PLCL1: variants seen among roughly 807,000 people sequenced by gnomAD.
PLCL1 encodes inactive phospholipase C-like protein 1.
PLCL1 carries 41 observed loss-of-function variants against 84.4 expected under a neutral mutation model. The observed-to-expected ratio is 0.49, with a 90% CI of 0.38 to 0.63. PLCL1 has a LOEUF of 0.63. Ranked by LOEUF, PLCL1 falls within the 30% of genes least tolerant of loss-of-function variation. The probability of loss-of-function intolerance (pLI) is 0.00; values close to 1 mark genes in which losing one functional copy is unlikely to be tolerated. For synonymous variants in PLCL1, 490 were observed against 488.3 expected (o/e 1.00, Z -0.05); for missense variants, 1,206 against 1,367.8 (o/e 0.88, Z 1.87).
intron 1 of PLCL1, among the ~76,000 whole-genome samples, chr2:197,996,687 C>CT (rs1348489152): frequency 6.6e-6 from 1 of 151,616 alleles, no homozygotes; most frequent in Non-Finnish European, 1.5e-5. Flanking sequence ...GGTGAGCGTG[C>CT]TTTTTTCAGG....
chr2:197,839,883 A>C (rs912197873), intron 1 of PLCL1, among the ~76,000 whole-genome samples: 1 of 152,108 alleles, frequency 6.6e-6, no homozygotes, highest in African/African-American at 2.4e-5. Flanking sequence ...CTTCCTTTTC[A>C]TTTCTTTTGT....
chr2:197,876,795 T>C (rs1195886826), intron 1 of PLCL1, among the ~76,000 whole-genome samples: 1 of 152,166 alleles, frequency 6.6e-6, no homozygotes, highest in Non-Finnish European at 1.5e-5. Flanking sequence ...AAGTCTTGCA[T>C]ATCAAAATCC....
At chr2:198,064,122 A>G (rs1331705643) in intron 1 of PLCL1, among the ~76,000 whole-genome samples, 1 of 152,222 alleles carries the variant, frequency 6.6e-6, no homozygotes, top group Non-Finnish European at 1.5e-5. Flanking sequence ...ATCCACTCTC[A>G]GGGAGCTCTG....
intron 1 of PLCL1, among the ~76,000 whole-genome samples, chr2:197,874,135 G>A (rs1049108364): frequency 1.3e-5 from 2 of 152,018 alleles, no homozygotes; most frequent in Non-Finnish European, 2.9e-5. Flanking sequence ...AAATAATGAC[G>A]GATTCAAATC....
intron 3 of PLCL1, among the ~76,000 whole-genome samples, chr2:198,091,142 G>T (rs1693020080): frequency 1.3e-5 from 2 of 152,068 alleles, no homozygotes; most frequent in Non-Finnish European, 2.9e-5. Context: ...TATACCACAT[G>T]GTAAACTTGG....
At chr2:197,941,172 T>A (rs1689151679) in intron 1 of PLCL1, among the ~76,000 whole-genome samples, 1 of 152,200 alleles carries the variant, frequency 6.6e-6, no homozygotes, top group Non-Finnish European at 1.5e-5. Context: ...AGAAGTACAC[T>A]AGCAAAGTAC....
intron 5 of PLCL1, among the ~76,000 whole-genome samples, chr2:198,117,432 C>T (rs1693771572): frequency 6.7e-6 from 1 of 149,090 alleles, no homozygotes; most frequent in Admixed American, 6.8e-5. Context: ...CTCATGTTCT[C>T]TGGTGGTACA....
chr2:198,010,242 C>T (rs1338125993), intron 1 of PLCL1, among the ~76,000 whole-genome samples: 1 of 151,818 alleles, frequency 6.6e-6, no homozygotes, highest in African/African-American at 2.4e-5. Context: ...TTGCCTTGTT[C>T]CTGATCTTAG....
chr2:198,020,901 A>G (rs1448597931), intron 1 of PLCL1, among the ~76,000 whole-genome samples: 1 of 152,200 alleles, frequency 6.6e-6, no homozygotes, highest in Non-Finnish European at 1.5e-5. Context: ...AGCAGACCTA[A>G]TAGACATCTA....
rs144549281 is a variant in PLCL1, at chr2:197,910,192, T to C, written c.240+104853T>C. 3.9e-4 allele frequency among the ~76,000 whole-genome samples: 60 copies of C among 152,336 alleles called. No homozygotes were observed. In the East Asian group the frequency reaches 9.5e-3, roughly 24 times the overall value. On this transcript the variant is annotated intron_variant, in intron 1 of 5. Coordinates refer to ENST00000428675, the MANE Select transcript of PLCL1 (RefSeq NM_006226.4). ...GCAAGTGTTTTTAGTGAAAAGGAGA[T>C]GGATTTTGGAACCATTCATACTTCA...
intron 1 of PLCL1, among the ~76,000 whole-genome samples, chr2:197,836,363 C>T (rs1484884210): frequency 7.4e-6 from 1 of 135,018 alleles, no homozygotes; most frequent in Non-Finnish European, 1.5e-5. Flanking sequence ...AGGAGAATGG[C>T]GTGAACCCGG....
rs1309896379 is a variant in PLCL1, at chr2:198,083,777, G to A, written c.260G>A (p.Cys87Tyr). ...SIIKDPSNQK[C>Y]GGRKKTVSFS... ...TTACAGGATCCTTCAAACCAAAAAT[G>A]TGGTGGAAGAAAGAAAACCGTGTCT... Residue 87 changes from cysteine to tyrosine, a missense_variant, in exon 2 of 6, where the codon TGT becomes TAT. Transcript: ENST00000428675. 1.9e-6 allele frequency: 3 copies of A among 1,582,296 alleles called. No individual in the cohort carries two copies. Among genetic ancestry groups the A allele is most frequent in the Non-Finnish European group, 2.6e-6 (3 of 1,166,182 alleles).
At chr2:198,128,234 C>T (rs1694037182) in intron 5 of PLCL1, among the ~76,000 whole-genome samples, 1 of 152,132 alleles carries the variant, frequency 6.6e-6, no homozygotes, top group Admixed American at 6.6e-5. Flanking sequence ...CTAGTTCAGG[C>T]CATGATGGGA....
intron 1 of PLCL1, among the ~76,000 whole-genome samples, chr2:197,841,468 A>G (rs565141314): frequency 1.3e-5 from 2 of 152,164 alleles, no homozygotes; most frequent in African/African-American, 2.4e-5. Context: ...TCAACTATGT[A>G]TAGTGTTTTC....
Position 197,805,116 on chromosome 2 carries a change from C to A in PLCL1, c.17C>A (p.Ala6Asp). The change falls in exon 1 of 6, where the codon GCC (alanine) becomes GAC (aspartate). Residue 6 changes from alanine to aspartate, a missense_variant. Transcript: ENST00000428675. This position sits in a 1 kb window ranked among gnomAD's most constrained non-coding sequence, Gnocchi z 4.0. ...CTCCAGGCCATGGCCGAGGGCGCGG[C>A]CGGCAGGGAGGATCCGGCGCCGCCC... MAEGA[A>D]GREDPAPPDA... 7.5e-7 allele frequency: 1 copy of A among 1,327,516 alleles called. No homozygotes were observed. The allele number at this position is 1,327,516 out of a possible 1,614,324, so 82.2% of individuals were successfully genotyped here. A position where few individuals can be genotyped will look rare whatever the true frequency, so the allele number is the denominator to read the frequency against.
intron 2 of PLCL1, among the ~76,000 whole-genome samples, chr2:198,088,377 A>G (rs182666545): frequency 6.6e-6 from 1 of 152,346 alleles, no homozygotes; most frequent in African/African-American, 2.4e-5. Context: ...AGACTGTAAC[A>G]TGGACAAATG....
chr2:197,895,403 T>C (rs1688115706), intron 1 of PLCL1, among the ~76,000 whole-genome samples: 1 of 151,986 alleles, frequency 6.6e-6, no homozygotes, highest in Admixed American at 6.6e-5. Flanking sequence ...TTTCTTTTTG[T>C]TATATATTTT....
chr2:197,822,955 G>C (rs576765384), intron 1 of PLCL1, among the ~76,000 whole-genome samples: 29 of 152,288 alleles, frequency 1.9e-4, no homozygotes, highest in Admixed American at 7.2e-4. Flanking sequence ...AGGTAGGCTT[G>C]ATATGGCAGC....
At chr2:197,976,426 A>ACTTTC (rs915134101) in intron 1 of PLCL1, among the ~76,000 whole-genome samples, 1 of 151,996 alleles carries the variant, frequency 6.6e-6, no homozygotes, top group Non-Finnish European at 1.5e-5. Context: ...ACATTACGGA[A>ACTTTC]CTTTCCTTTC....
Sources: gnomAD v4.1 joint callset for allele counts (sites outside exome capture counted in the v4.1 genomes callset) on GRCh38, gnomAD v4.1.1 for gene constraint, Gnocchi (gnomAD v3.1) non-coding constraint, MANE v1.5 for transcripts, NCBI Gene and HGNC (gene_info 2026-07-23, HGNC 2026-07-21) for gene names.